Variants in AQP4 observed in about 807,000 individuals in gnomAD.
AQP4 encodes aquaporin-4.
Under a neutral mutation model 27.8 loss-of-function variants are expected in AQP4, and 18 were observed. That is an observed-to-expected ratio of 0.65 (90% CI 0.45 to 0.96). The LOEUF (loss-of-function observed/expected upper bound fraction) is 0.96, where lower values mean the gene tolerates loss of function less well. AQP4 is among the 40% of genes least tolerant of loss of function. The pLI is 0.00. For missense variants in AQP4, 412 were observed against 408.2 expected (o/e 1.01, Z -0.08); for synonymous variants, 141 against 142.9 (o/e 0.99, Z 0.10).
chr18:26,865,548 T>C, intron 1 of AQP4, 110 bp downstream of exon 1: 4 of 1,419,352 alleles, frequency 2.8e-6, no homozygotes, highest in Non-Finnish European at 4.0e-6. Flanking sequence ...CCACCTGCCC[T>C]ATAGCTGCCT....
Position 26,852,522 on chromosome 18 carries a change from G to T in AQP4, c.*3689C>A, listed in dbSNP as rs2054769396. ...TGAAATGTATTTTCACAGGCTATAG[G>T]TAGTCATTTGCAAAGATGGCCACAA... On this transcript the variant is annotated 3_prime_UTR_variant, in exon 5 of 5. Transcript: ENST00000383168. 1 of 284,542 alleles carries T rather than the reference G, an allele frequency of 3.5e-6. No individual in the cohort carries two copies. The highest frequency in any genetic ancestry group is 1.7e-4 in the South Asian group (1 of 6,054). 17.6% of individuals were successfully genotyped at this position (284,542 alleles called of 1,614,324 possible).
intron 4 of AQP4, among the ~76,000 whole-genome samples, chr18:26,857,056 A>G (rs1396121336): frequency 3.3e-5 from 5 of 152,192 alleles, no homozygotes; most frequent in African/African-American, 1.2e-4. Context: ...TAAAGTGGGG[A>G]TTATAATAAT....
Position 26,856,328 on chromosome 18 carries a change from A to T in AQP4, c.855T>A (p.Ser285Arg). 3 of 1,613,938 alleles carry T rather than the reference A, an allele frequency of 1.9e-6. No homozygotes were observed. The highest frequency in any genetic ancestry group is 2.5e-6 in the Non-Finnish European group (3 of 1,179,976). Residue 285 changes from serine (S) to arginine (R), a missense_variant, in exon 5 of 5, where the codon AGT becomes AGA. Ser to Arg is a moderately radical substitution (Grantham distance 110). Coordinates refer to ENST00000383168, the MANE Select transcript of AQP4 (RefSeq NM_001650.7). Reference sequence around the variant, plus strand: ...GAATCAGGTCATCCGTCTCTACCTGACTCCTGTTGTCCTCCACCTCCATGT... The same window carrying T: ...GAATCAGGTCATCCGTCTCTACCTGTCTCCTGTTGTCCTCCACCTCCATGT... The part of the protein sequence containing the change: ...GSYMEVEDNR[S>R]QVETDDLILK...
chr18:26,859,893 T>C (rs2054909550), intron 4 of AQP4, among the ~76,000 whole-genome samples: 1 of 152,192 alleles, frequency 6.6e-6, no homozygotes, highest in African/African-American at 2.4e-5. Flanking sequence ...ATTTGCAATA[T>C]ATAAATTATA....
In AQP4 at chr18:26,862,286, A is replaced by T. The variant is rs1250945568; in HGVS notation, c.343T>A (p.Ser115Thr). Reference sequence around the variant, plus strand: ...CACTGGGCTGCGATGTAGAAGACAGACTTGGCGATGCTGATCTTCCTGGTG... The same window carrying T: ...CACTGGGCTGCGATGTAGAAGACAGTCTTGGCGATGCTGATCTTCCTGGTG... ...VCTRKISIAK[S>T]VFYIAAQCLG... Residue 115 changes from serine to threonine, a missense_variant, in exon 2 of 5, where the codon TCT (serine) becomes ACT (threonine). Ser to Thr is a moderately conservative substitution (Grantham distance 58). Transcript: ENST00000383168. 6.2e-7 allele frequency: 1 copy of T among 1,614,210 alleles called. No individual in the cohort carries two copies. Among genetic ancestry groups the T allele is most frequent in the Non-Finnish European group, 8.5e-7 (1 of 1,180,050 alleles).
intron 2 of AQP4, 89 bp from the exon 3 acceptor site, chr18:26,861,384 CT>C: frequency 7.3e-7 from 1 of 1,366,566 alleles, no homozygotes; most frequent in South Asian, 1.2e-5. Context: ...CACATTTTAT[CT>C]GTGTAAAAAG....
At chr18:26,862,031 G>C in intron 2 of AQP4, 151 bp downstream of exon 2, 1 of 875,486 alleles carries the variant, frequency 1.1e-6, no homozygotes, top group Non-Finnish European at 1.8e-6. Context: ...AATACTGCCA[G>C]AATCAGTTTT....
At chr18:26,856,924 A>G (rs2054855601) in intron 4 of AQP4, among the ~76,000 whole-genome samples, 2 of 152,080 alleles carry the variant, frequency 1.3e-5, no homozygotes, top group Admixed American at 1.3e-4. Context: ...CACAGTTTTT[A>G]TCTTTTGGGG....
rs1232778112 is a variant in AQP4 at position 26,856,479 on chromosome 18, A to G, written c.704T>C (p.Val235Ala). The G allele has an allele frequency of 3.1e-6, 5 of 1,614,164 alleles. No homozygotes were observed. Among genetic ancestry groups the G allele is most frequent in the Non-Finnish European group, 4.2e-6 (5 of 1,180,004 alleles). The change falls in exon 5 of 5, where the codon GTT (valine) becomes GCT (alanine). Residue 235 changes from valine to alanine, a missense_variant. Transcript: ENST00000383168. ...GNWENHWIYW[V>A]GPIIGAVLAG... ...GAGGACAGCTCCTATGATGGGCCCA[A>G]CCCAATATATCTAAGGAAAAGATGG...
chr18:26,865,596 A>G (rs775366081), intron 1 of AQP4, 62 bp downstream of exon 1: 32 of 1,608,092 alleles, frequency 2.0e-5, no homozygotes, highest in Middle Eastern at 3.3e-4. Flanking sequence ...CATCTATAAT[A>G]AAAGAGACAG....
In AQP4 at chr18:26,865,645, A is replaced by G. The variant is rs1228031976; in HGVS notation, c.32+13T>C. 6.2e-7 allele frequency: 1 copy of G among 1,614,054 alleles called. No homozygotes were observed. The highest frequency in any genetic ancestry group is 8.5e-7 in the Non-Finnish European group (1 of 1,180,022). ...CCCTAAGCGTTGTTCCCTTAAGGCA[A>G]AGAAGGACTTACCCCCACCGCCTTG... On this transcript the variant is annotated intron_variant, in intron 1 of 4. Coordinates refer to ENST00000383168, the MANE Select transcript of AQP4 (RefSeq NM_001650.7).
intron 1 of AQP4, 149 bp downstream of exon 1, chr18:26,865,509 T>G: frequency 1.1e-6 from 1 of 926,980 alleles, no homozygotes; most frequent in Non-Finnish European, 1.8e-6. Flanking sequence ...CTTCTGAAAA[T>G]GCCCAGTACT....
intron 4 of AQP4, among the ~76,000 whole-genome samples, 186 bp from the exon 5 acceptor site, chr18:26,856,675 A>G (rs966409398): frequency 6.6e-6 from 1 of 151,898 alleles, no homozygotes; most frequent in African/African-American, 2.4e-5. Flanking sequence ...AAATTATTAA[A>G]CTGCATTTGA....
Position 26,856,546 on chromosome 18 carries a change from C to A in AQP4, c.694-57G>T. On this transcript the variant is annotated intron_variant, in intron 4 of 4. Transcript: ENST00000383168. ...AGTAGAGAAAAGCTATTCCATTGAG[C>A]AGCTCATGAATGTAGAATCTAGCTG... is the stretch of plus-strand genomic sequence containing the variant. 1.9e-6 allele frequency: 3 copies of A among 1,579,332 alleles called. No homozygotes were observed. In the Admixed American group the frequency reaches 5.0e-5, roughly 26 times the overall value.
intron 3 of AQP4, 86 bp downstream of exon 3, chr18:26,861,045 C>T: frequency 6.6e-7 from 1 of 1,522,730 alleles, no homozygotes; most frequent in East Asian, 2.3e-5. Flanking sequence ...TAAAGAGCTA[C>T]TGCTGTAAAA....
At chr18:26,856,579 T>C in intron 4 of AQP4, 90 bp from the exon 5 acceptor site, 2 of 1,454,962 alleles carry the variant, frequency 1.4e-6, no homozygotes, top group Middle Eastern at 1.8e-4. Context: ...CTGGGTTAAA[T>C]TAAGAGTGTA....
chr18:26,857,219 T>C (rs530254958), intron 4 of AQP4, among the ~76,000 whole-genome samples: 39 of 152,302 alleles, frequency 2.6e-4, no homozygotes, highest in African/African-American at 7.7e-4. Context: ...GCAGATAGCT[T>C]TCATCTATGC....
Position 26,856,091 on chromosome 18 carries a change from T to C in AQP4, c.*120A>G, listed in dbSNP as rs1598509206. 4.0e-6 allele frequency: 5 copies of C among 1,236,862 alleles called. No individual in the cohort carries two copies. The highest frequency in any genetic ancestry group is 4.7e-6 in the Non-Finnish European group (4 of 845,820). The allele number at this position is 1,236,862 out of a possible 1,614,324, so 76.6% of individuals were successfully genotyped here. On this transcript the variant is annotated 3_prime_UTR_variant, in exon 5 of 5. Coordinates refer to ENST00000383168, the MANE Select transcript of AQP4 (RefSeq NM_001650.7). ...TATTTATTGTTTAGACTGAGTAATATGACATGAAACAACAAACCTGCACAT... is the reference window on the plus strand; with the variant it reads ...TATTTATTGTTTAGACTGAGTAATACGACATGAAACAACAAACCTGCACAT...
At chr18:26,862,646 G>A (rs1387188887) in intron 1 of AQP4, 50 bp from the exon 2 acceptor site, 1 of 1,612,846 alleles carries the variant, frequency 6.2e-7, no homozygotes, top group East Asian at 2.2e-5. Context: ...CCAGGTTTAT[G>A]AATTTAGGTG....
Sources: gnomAD v4.1 joint callset for allele counts (sites outside exome capture counted in the v4.1 genomes callset) on GRCh38, gnomAD v4.1.1 for gene constraint, MANE v1.5 for transcripts, NCBI Gene and HGNC (gene_info 2026-07-23, HGNC 2026-07-21) for gene names.